Variants in TCF4 observed in about 807,000 individuals in gnomAD.
The protein encoded by TCF4 is transcription factor 4.
Under a neutral mutation model 82.1 loss-of-function variants are expected in TCF4, and 3 were observed. The observed-to-expected ratio is 0.04, with a 90% CI of 0.02 to 0.09. The LOEUF (loss-of-function observed/expected upper bound fraction) is 0.09. Among genes scored for constraint, TCF4 ranks in the 10% least tolerant of loss-of-function variants. The probability of loss-of-function intolerance (pLI) is 1.00; values close to 1 mark genes in which losing one functional copy is unlikely to be tolerated. For missense variants in TCF4, 518 were observed against 852.7 expected, an observed-to-expected ratio of 0.61 and a Z score of 4.89; for synonymous variants, 276 against 309.6, an observed-to-expected ratio of 0.89 and a Z score of 1.14.
At chr18:55,502,744 T>A (rs1247276930) in intron 3 of TCF4, among the ~76,000 whole-genome samples, 4 of 152,164 alleles carry the variant, frequency 2.6e-5, no homozygotes, top group African/African-American at 9.7e-5. Context: ...TCACACAAGT[T>A]AAGGAAAGGA....
chr18:55,480,498 A>G (rs1335756282), intron 3 of TCF4, among the ~76,000 whole-genome samples: 1 of 152,160 alleles, frequency 6.6e-6, no homozygotes, highest in Admixed American at 6.6e-5. Flanking sequence ...AATTTTTGAG[A>G]AAGGTGAGTT....
chr18:55,586,944 T>C, intron 2 of TCF4, 101 bp downstream of exon 2: 1 of 1,037,690 alleles, frequency 9.6e-7, no homozygotes. Context: ...AATTAAAAAT[T>C]ATTACTGTCC....
chr18:55,227,228 G>A lies in TCF4; in HGVS notation c.*807C>T, dbSNP rs2046706909. 6.9e-6 allele frequency: 1 copy of A among 145,012 alleles called. No individual in the cohort carries two copies. The highest frequency in any genetic ancestry group is 1.5e-5 in the Non-Finnish European group (1 of 66,608). The allele number at this position is 145,012 out of a possible 1,614,324, so 9.0% of individuals were successfully genotyped here. On this transcript the variant is annotated 3_prime_UTR_variant, in exon 20 of 20. Coordinates refer to ENST00000354452, the MANE Select transcript of TCF4 (RefSeq NM_001083962.2). ...CTACAGGTTACGATAACAAACCAGG[G>A]AAAGGGACAGAAATAAGACCAAAAA... is the stretch of plus-strand genomic sequence containing the variant.
At chr18:55,363,564 G>A (rs183382498) in intron 6 of TCF4, among the ~76,000 whole-genome samples, 12 of 152,264 alleles carry the variant, frequency 7.9e-5, no homozygotes, top group Admixed American at 6.5e-4. Context: ...AGCACTTTGG[G>A]AGGCCGAGGC....
intron 3 of TCF4, among the ~76,000 whole-genome samples, chr18:55,494,983 A>AT (rs2096618256): frequency 6.8e-6 from 1 of 146,830 alleles, no homozygotes; most frequent in Non-Finnish European, 1.5e-5. Flanking sequence ...AAAAAAAAGA[A>AT]ATCTACACAA....
intron 6 of TCF4, among the ~76,000 whole-genome samples, chr18:55,353,238 A>G (rs891928636): frequency 1.3e-5 from 2 of 152,218 alleles, no homozygotes; most frequent in African/African-American, 4.8e-5. Flanking sequence ...TGTGAAAAAT[A>G]TAAAATAACT....
intron 3 of TCF4, among the ~76,000 whole-genome samples, chr18:55,581,649 G>A (rs1170212357): frequency 2.0e-5 from 3 of 151,778 alleles, no homozygotes; most frequent in Admixed American, 6.6e-5. Flanking sequence ...ATGTGACCAC[G>A]TTAATTTTCT....
intron 6 of TCF4, among the ~76,000 whole-genome samples, chr18:55,354,244 C>T (rs1411489909): frequency 6.6e-6 from 1 of 152,198 alleles, no homozygotes; most frequent in Admixed American, 6.5e-5. Flanking sequence ...CCTCTGCAGC[C>T]AATTCCCCTG....
At position 55,275,861 on chromosome 18, in the gene TCF4, T is replaced by G. The variant is rs908953846; in HGVS notation, c.656-109A>C. ...GACTGCCTGTTGTGTTATTCATCTT[T>G]GTGTTGGTTAGCTGATTACATCAGA... On this transcript the variant is annotated intron_variant, in intron 9 of 19. Coordinates refer to ENST00000354452, the MANE Select transcript of TCF4 (RefSeq NM_001083962.2). The G allele has an allele frequency of 4.3e-6, 6 of 1,409,634 alleles. No homozygotes were observed. In the African/African-American group the frequency reaches 8.5e-5, roughly 20 times the overall value. The allele number at this position is 1,409,634 out of a possible 1,614,324, so 87.3% of individuals were successfully genotyped here. A position where few individuals can be genotyped will look rare whatever the true frequency, so the allele number is the denominator to read the frequency against.
At chr18:55,500,976 C>T (rs1490398169) in intron 3 of TCF4, among the ~76,000 whole-genome samples, 1 of 152,010 alleles carries the variant, frequency 6.6e-6, no homozygotes, top group African/African-American at 2.4e-5. Context: ...CTCTGATATT[C>T]CTTTATAAAT....
intron 8 of TCF4, among the ~76,000 whole-genome samples, chr18:55,325,585 G>A (rs540967502): frequency 9.2e-5 from 14 of 152,246 alleles, no homozygotes; most frequent in African/African-American, 3.4e-4. Flanking sequence ...AATGAAGAAT[G>A]GTCATATGGA....
intron 8 of TCF4, among the ~76,000 whole-genome samples, chr18:55,294,643 AG>A (rs1202667322): frequency 6.6e-6 from 1 of 152,224 alleles, no homozygotes; most frequent in African/African-American, 2.4e-5. Flanking sequence ...CAGATGTGAA[AG>A]GTATCACGCT....
chr18:55,580,742 ATG>A (rs5825144), intron 3 of TCF4, among the ~76,000 whole-genome samples: 55,012 of 144,972 alleles, frequency 0.38, 10,214 homozygotes, highest in East Asian at 0.54. Context: ...GAGCTGTCTG[ATG>A]TGTGTGTGTG....
At chr18:55,320,145 C>T (rs1480283270) in intron 8 of TCF4, among the ~76,000 whole-genome samples, 2 of 150,886 alleles carry the variant, frequency 1.3e-5, no homozygotes, top group African/African-American at 2.4e-5. Context: ...AGGCAAAAGT[C>T]TTATCTATAT....
intron 8 of TCF4, among the ~76,000 whole-genome samples, chr18:55,320,363 T>C (rs543556608): frequency 2.8e-4 from 42 of 152,332 alleles, no homozygotes; most frequent in Admixed American, 2.3e-3. Context: ...GATAGCGCTA[T>C]GAACTTTTGA....
intron 3 of TCF4, among the ~76,000 whole-genome samples, chr18:55,567,712 C>CAA (rs960791678): frequency 7.6e-6 from 1 of 130,888 alleles, no homozygotes; most frequent in Non-Finnish European, 1.6e-5. Flanking sequence ...GACTCCATCT[C>CAA]AAAAAAAAAA....
intron 3 of TCF4, chr18:55,510,875 C>T: frequency 1.4e-6 from 1 of 714,618 alleles, no homozygotes; most frequent in Non-Finnish European, 1.8e-6. Context: ...AATAGCAGAC[C>T]TTTTCTGAAA....
chr18:55,558,542 C>A (rs527975474), intron 3 of TCF4, among the ~76,000 whole-genome samples: 4 of 152,238 alleles, frequency 2.6e-5, no homozygotes, highest in South Asian at 4.1e-4. Flanking sequence ...TATGCCCATA[C>A]AAAATCTAAG....
chr18:55,577,564 G>A (rs2097541587), intron 3 of TCF4, among the ~76,000 whole-genome samples: 1 of 152,048 alleles, frequency 6.6e-6, no homozygotes, highest in Non-Finnish European at 1.5e-5. Context: ...TTTACACACT[G>A]TATGAAAACT....
Sources: gnomAD v4.1 joint callset for allele counts (sites outside exome capture counted in the v4.1 genomes callset) on GRCh38, gnomAD v4.1.1 for gene constraint, MANE v1.5 for transcripts, NCBI Gene and HGNC (gene_info 2026-07-23, HGNC 2026-07-21) for gene names.